Variants in ACSM2A observed in about 807,000 individuals in gnomAD.
The protein encoded by ACSM2A is acyl-coenzyme A synthetase ACSM2A, mitochondrial.
Under a neutral mutation model 76.6 loss-of-function variants are expected in ACSM2A, and 72 were observed. That is an observed-to-expected ratio of 0.94 (90% CI 0.78 to 1.14). The LOEUF is 1.14. Among genes scored for constraint, ACSM2A ranks in the 50% most tolerant of loss-of-function variants. ACSM2A has a pLI of 0.00. For missense variants in ACSM2A, 684 were observed against 708.5 expected (o/e 0.97, Z 0.39); for synonymous variants, 249 against 255.9 (o/e 0.97, Z 0.26).
At chr16:20,483,389 G>C (rs980415858) in intron 13 of ACSM2A, among the ~76,000 whole-genome samples, 1 of 91,774 alleles carries the variant, frequency 1.1e-5, no homozygotes, top group Admixed American at 1.2e-4. Context: ...GGCCAACATG[G>C]TGAAACCCCA....
At chr16:20,458,269 A>G (rs2012319110) in intron 1 of ACSM2A, among the ~76,000 whole-genome samples, 1 of 149,614 alleles carries the variant, frequency 6.7e-6, no homozygotes, top group African/African-American at 2.4e-5. Context: ...CCATCAAAAT[A>G]CCACCATCAT....
At chr16:20,471,293 T>G (rs915147437) in intron 5 of ACSM2A, 77 bp downstream of exon 5, 213 of 1,559,690 alleles carry the variant, frequency 1.4e-4, no homozygotes, top group Non-Finnish European at 1.8e-4. Flanking sequence ...CAATTATATA[T>G]TAAGTCAGGT....
intron 8 of ACSM2A, chr16:20,476,112 T>C: frequency 2.8e-6 from 3 of 1,090,302 alleles, no homozygotes; most frequent in South Asian, 2.6e-5. Flanking sequence ...GTCAGAAAAT[T>C]CCTCTGTGAT....
chr16:20,468,935 C>T (rs1185568624), intron 3 of ACSM2A, among the ~76,000 whole-genome samples: 1 of 152,152 alleles, frequency 6.6e-6, no homozygotes, highest in Admixed American at 6.5e-5. Flanking sequence ...TGTGAATTAG[C>T]TTAATTTAAT....
At chr16:20,475,849 T>G in intron 8 of ACSM2A, 76 bp downstream of exon 8, 1 of 1,597,494 alleles carries the variant, frequency 6.3e-7, no homozygotes, top group Non-Finnish European at 8.5e-7. Context: ...TAAAAATTGT[T>G]AGCCACCATG....
chr16:20,481,196 A>G (rs2014062024), intron 12 of ACSM2A: 1 of 446,080 alleles, frequency 2.2e-6, no homozygotes, highest in Non-Finnish European at 4.0e-6. Context: ...CAGAACTACC[A>G]TACGATCCAG....
At chr16:20,477,491 A>G in intron 9 of ACSM2A, 42 bp downstream of exon 9, 2 of 1,572,318 alleles carry the variant, frequency 1.3e-6, no homozygotes, top group South Asian at 2.4e-5. Flanking sequence ...TAGGGGAAAC[A>G]CTGATTTTCA....
At position 20,451,566 on chromosome 16, in the gene ACSM2A, C is replaced by G. The variant is rs1761813263; in HGVS notation, c.-124C>G. 1 of 151,914 alleles carries G rather than the reference C, an allele frequency of 6.6e-6. No homozygotes were observed. Among genetic ancestry groups the G allele is most frequent in the African/African-American group, 2.4e-5 (1 of 41,356 alleles). The allele number at this position is 151,914 out of a possible 1,614,324, so 9.4% of individuals were successfully genotyped here. A position where few individuals can be genotyped will look rare whatever the true frequency, so the allele number is the denominator to read the frequency against. ...TTCTGACAGTGCAGGGATTCTGAAG[C>G]TGTCTGCTTGAGTTACTGTGCTCTC... On this transcript the variant is annotated 5_prime_UTR_variant, in exon 1 of 14. Transcript: ENST00000573854.
chr16:20,470,350 A>T (rs1505100), intron 4 of ACSM2A, among the ~76,000 whole-genome samples: 57,006 of 151,802 alleles, frequency 0.38, 12,057 homozygotes, highest in East Asian at 0.79. Context: ...AGGGCAGAGG[A>T]CTTTCCATGT....
chr16:20,457,930 C>T (rs1222619999), intron 1 of ACSM2A, among the ~76,000 whole-genome samples: 1 of 151,968 alleles, frequency 6.6e-6, no homozygotes, highest in Non-Finnish European at 1.5e-5. Flanking sequence ...AAGACTCCTC[C>T]AAAGAACTCC....
At position 20,486,813 on chromosome 16, in the gene ACSM2A, T is replaced by A. The variant is rs1438214808; in HGVS notation, c.*135T>A. On this transcript the variant is annotated 3_prime_UTR_variant, in exon 14 of 14. Transcript: ENST00000573854. ...ATAAGTTTTGTCTTGCCTTGGTTAT[T>A]AGCACAAAACTTTACCATGTTAGAT... The A allele has an allele frequency of 9.0e-7, 1 of 1,109,816 alleles. No individual in the cohort carries two copies. The highest frequency in any genetic ancestry group is 1.6e-5 in the African/African-American group (1 of 63,866). 68.7% of individuals were successfully genotyped at this position (1,109,816 alleles called of 1,614,324 possible). A position where few individuals can be genotyped will look rare whatever the true frequency, so the allele number is the denominator to read the frequency against.
At position 20,480,670 on chromosome 16, in the gene ACSM2A, G is replaced by T. The variant is rs1327564131; in HGVS notation, c.1379G>T (p.Gly460Val). The T allele has an allele frequency of 8.9e-6, 8 of 898,598 alleles. No homozygotes were observed. The South Asian group carries it at 1.3e-4, about 15-fold the overall frequency. The allele number at this position is 898,598 out of a possible 1,614,324, so 55.7% of individuals were successfully genotyped here. ...KDEDGYFQFM[G>V]RANDIINSSG... ...GAAGATGGGTATTTCCAGTTTATGG[G>T]ACGGGCAAATGATATCATTAACTCC... Residue 460 changes from glycine (G) to valine (V), a missense_variant, in exon 11 of 14, where the codon GGA (glycine) becomes GTA (valine). Transcript: ENST00000573854.
intron 1 of ACSM2A, among the ~76,000 whole-genome samples, chr16:20,455,251 A>G (rs71384461): frequency 0.3 from 42,800 of 141,972 alleles, 3,372 homozygotes; most frequent in East Asian, 0.54. Context: ...AAACTTTCCC[A>G]GCCTTGCTAA....
At chr16:20,465,771 A>G (rs1233130501) in intron 3 of ACSM2A, 44 bp downstream of exon 3, 12 of 1,597,206 alleles carry the variant, frequency 7.5e-6, no homozygotes, top group South Asian at 1.1e-5. Flanking sequence ...TTCCTTGTGA[A>G]GAAAACTGAT....
At chr16:20,464,102 C>T (rs2012808288) in intron 2 of ACSM2A, among the ~76,000 whole-genome samples, 1 of 152,178 alleles carries the variant, frequency 6.6e-6, no homozygotes, top group Non-Finnish European at 1.5e-5. Flanking sequence ...CATTTGAAAT[C>T]TGGTCAGCCT....
intron 12 of ACSM2A, chr16:20,482,172 A>G (rs1188421250): frequency 6.5e-6 from 1 of 153,712 alleles, no homozygotes; most frequent in South Asian, 2.1e-4. Context: ...AAAAAAAAGA[A>G]AAAAAGAAAG....
At chr16:20,475,173 C>T (rs983480544) in intron 6 of ACSM2A, among the ~76,000 whole-genome samples, 189 bp from the exon 7 acceptor site, 25 of 152,190 alleles carry the variant, frequency 1.6e-4, no homozygotes, top group African/African-American at 5.8e-4. Flanking sequence ...ATTCATTTCC[C>T]TGTTATTTGT....
chr16:20,466,949 G>A (rs900380913), intron 3 of ACSM2A, among the ~76,000 whole-genome samples: 2 of 152,188 alleles, frequency 1.3e-5, no homozygotes, highest in Non-Finnish European at 1.5e-5. Context: ...GACACAGTTA[G>A]TTTCAGGAAA....
intron 2 of ACSM2A, among the ~76,000 whole-genome samples, chr16:20,462,230 G>A (rs573470459): frequency 6.6e-6 from 1 of 152,194 alleles, no homozygotes; most frequent in South Asian, 2.1e-4. Context: ...AGGGAACAAT[G>A]GCTGGTTATT....
Sources: allele counts gnomAD v4.1 joint callset (sites outside exome capture counted in the v4.1 genomes callset), GRCh38; gene constraint gnomAD v4.1.1; transcripts MANE v1.5; gene names NCBI Gene and HGNC (gene_info 2026-07-23, HGNC 2026-07-21).